The following UBE2Q2 variants were observed in gnomAD, a reference collection of about 807,000 sequenced individuals.
UBE2Q2 encodes ubiquitin conjugating enzyme E2 Q2, also known as ubiquitin-conjugating enzyme E2 Q2.
A neutral mutation model predicts 59.9 loss-of-function variants in UBE2Q2; 54 were observed. The ratio of observed to expected loss-of-function variants is 0.90; its 90% CI spans 0.72 to 1.13. The LOEUF is 1.13. Among genes scored for constraint, UBE2Q2 ranks in the 50% most tolerant of loss-of-function variants. UBE2Q2 has a pLI of 0.00. For synonymous variants in UBE2Q2, 165 were observed against 155.2 expected, an observed-to-expected ratio of 1.06 and a Z score of -0.47; for missense variants, 433 against 441.9, an observed-to-expected ratio of 0.98 and a Z score of 0.18.
intron 6 of UBE2Q2, among the ~76,000 whole-genome samples, chr15:75,877,523 C>G (rs1449311391): frequency 6.6e-6 from 1 of 150,842 alleles, no homozygotes; most frequent in Non-Finnish European, 1.5e-5. Context: ...AAAGCATATC[C>G]ATAAAATAAA....
chr15:75,894,366 G>A (rs570977083), intron 11 of UBE2Q2, among the ~76,000 whole-genome samples: 46 of 152,132 alleles, frequency 3.0e-4, no homozygotes, highest in African/African-American at 1.0e-3. Context: ...TCAGGAGTTC[G>A]AGACCACCTT....
chr15:75,848,661 A>AT lies in UBE2Q2; in HGVS notation c.180+4827dup, dbSNP rs532016787. Among the ~76,000 whole-genome samples, 1,235 of 146,868 alleles carry AT rather than the reference A, an allele frequency of 8.4e-3. 11 individuals are homozygous for AT. Among genetic ancestry groups the AT allele is most frequent in the Non-Finnish European group, 0.013 (867 of 66,356 alleles). On this transcript the variant is annotated intron_variant, in intron 1 of 12. Transcript: ENST00000267938. ...GAATAGTATATCCCTTAGTATCTTG[A>AT]TTTTTTTTTTTTAATTTGGTTAAAC... is the stretch of plus-strand genomic sequence containing the variant.
At chr15:75,860,102 C>T (rs1023331303) in intron 3 of UBE2Q2, 120 bp downstream of exon 3, 4 of 746,604 alleles carry the variant, frequency 5.4e-6, no homozygotes, top group Non-Finnish European at 8.8e-6. Context: ...ATTTTTGTTC[C>T]TATTGAATTG....
chr15:75,887,670 TGTAAA>T (rs1898862579), intron 9 of UBE2Q2, among the ~76,000 whole-genome samples: 1 of 152,030 alleles, frequency 6.6e-6, no homozygotes, highest in South Asian at 2.1e-4. Context: ...AAGAAACTAT[TGTAAA>T]GTAAATCTGG....
At chr15:75,886,559 G>A (rs181605447) in intron 9 of UBE2Q2, among the ~76,000 whole-genome samples, 2 of 152,262 alleles carry the variant, frequency 1.3e-5, no homozygotes, top group Non-Finnish European at 1.5e-5. Flanking sequence ...GAAAAGATTT[G>A]GAAGAAATTT....
intron 2 of UBE2Q2, among the ~76,000 whole-genome samples, chr15:75,856,904 G>A (rs78061826): frequency 2.0e-5 from 3 of 151,216 alleles, no homozygotes; most frequent in Non-Finnish European, 4.4e-5. Flanking sequence ...TTGTGCCACC[G>A]TACTCTAGCC....
chr15:75,896,588 T>A (rs1241623130), intron 11 of UBE2Q2, among the ~76,000 whole-genome samples: 1 of 152,244 alleles, frequency 6.6e-6, no homozygotes, highest in Non-Finnish European at 1.5e-5. Flanking sequence ...GCTTAATATT[T>A]TCTTATCTGA....
At position 75,876,357 on chromosome 15, in the gene UBE2Q2, A is replaced by G. The variant is rs1375843907; in HGVS notation, c.673+86A>G. On this transcript the variant is annotated intron_variant, in intron 6 of 12. Coordinates refer to ENST00000267938, the MANE Select transcript of UBE2Q2 (RefSeq NM_173469.4). ...TATAAATGTCATTTCTTAAAACTGG[A>G]CAGAAATGGAAATGTTTACTAGCTT... 8.5e-5 allele frequency: 101 copies of G among 1,193,788 alleles called. No individual in the cohort carries two copies. The East Asian group carries it at 2.5e-3, about 30-fold the overall frequency. The allele number at this position is 1,193,788 out of a possible 1,614,324, so 73.9% of individuals were successfully genotyped here.
At chr15:75,865,030 G>C (rs917206362) in intron 3 of UBE2Q2, among the ~76,000 whole-genome samples, 8 of 152,194 alleles carry the variant, frequency 5.3e-5, no homozygotes, top group Non-Finnish European at 1.0e-4. Flanking sequence ...GAGATGACAT[G>C]TATTAAAAAT....
intron 6 of UBE2Q2, among the ~76,000 whole-genome samples, chr15:75,877,204 C>G (rs1272232535): frequency 1.5e-5 from 2 of 136,644 alleles, no homozygotes; most frequent in Non-Finnish European, 3.1e-5. Context: ...CGATTCAATT[C>G]TAGCATTATG....
rs961381166 is a variant in UBE2Q2 at position 75,858,141 on chromosome 15, C to G, written c.283-1737C>G. 3.3e-5 allele frequency among the ~76,000 whole-genome samples: 5 copies of G among 152,302 alleles called. No individual in the cohort carries two copies. In the East Asian group the frequency reaches 5.8e-4, roughly 18 times the overall value. On this transcript the variant is annotated intron_variant, in intron 2 of 12. Transcript: ENST00000267938. ...TTGGCCTACTTCTTCTCTTCTCATTCTGTGCTTTCTCTGAGTAATATTTTA... is the reference window on the plus strand; with the variant it reads ...TTGGCCTACTTCTTCTCTTCTCATTGTGTGCTTTCTCTGAGTAATATTTTA...
intron 7 of UBE2Q2, among the ~76,000 whole-genome samples, chr15:75,878,627 A>G (rs1049936234): frequency 3.3e-5 from 4 of 120,028 alleles, no homozygotes; most frequent in Admixed American, 2.6e-4. Context: ...AAAAAAAAAA[A>G]GTTGGGGGGA....
In UBE2Q2 at chr15:75,895,185, CA is replaced by C. The variant is rs1233230032; in HGVS notation, c.1030-1799del. The C allele has an allele frequency of 4.9e-3, 708 of 144,916 alleles. 14 individuals are homozygous for C. Among genetic ancestry groups the C allele is most frequent in the African/African-American group, 0.015 (611 of 39,734 alleles). 9.0% of individuals were successfully genotyped at this position (144,916 alleles called of 1,614,324 possible). The stretch of plus-strand genomic sequence containing the variant: ...TGGGTGACAGAGCGAGACTCCGTCT[CA>C]AAAAAAAAAATTTTGAGATGGAGTT... On this transcript the variant is annotated intron_variant, in intron 11 of 12. Transcript: ENST00000267938.
chr15:75,878,032 T>G lies in UBE2Q2; in HGVS notation c.734+11T>G. 6 of 1,613,016 alleles carry G rather than the reference T, an allele frequency of 3.7e-6. No homozygotes were observed. The highest frequency in any genetic ancestry group is 4.2e-6 in the Non-Finnish European group (5 of 1,179,284). ...TGTTAAACTGCAGAAGTAAGTGGCT[T>G]TTTAATGCTCACCCACTCTTTGCAA... On this transcript the variant is annotated intron_variant, in intron 7 of 12. Coordinates refer to ENST00000267938, the MANE Select transcript of UBE2Q2 (RefSeq NM_173469.4).
At chr15:75,897,285 C>T (rs1029716190) in intron 12 of UBE2Q2, among the ~76,000 whole-genome samples, 1 of 152,066 alleles carries the variant, frequency 6.6e-6, no homozygotes, top group African/African-American at 2.4e-5. Context: ...GTCACCCCAG[C>T]TGGAGTGCAG....
intron 8 of UBE2Q2, 143 bp downstream of exon 8, chr15:75,879,331 G>T: frequency 2.0e-6 from 1 of 512,456 alleles, no homozygotes; most frequent in Non-Finnish European, 3.5e-6. Context: ...CCGTTAAGAC[G>T]TGAGTACTTA....
intron 6 of UBE2Q2, among the ~76,000 whole-genome samples, chr15:75,877,356 T>C (rs1356781412): frequency 6.6e-6 from 1 of 152,060 alleles, no homozygotes; most frequent in Non-Finnish European, 1.5e-5. Context: ...GTGGGTGTCC[T>C]TACGGTTTTT....
intron 7 of UBE2Q2, 95 bp downstream of exon 7, chr15:75,878,116 C>A: frequency 9.8e-7 from 1 of 1,020,310 alleles, no homozygotes. Flanking sequence ...TATACTATGG[C>A]TTTTACTTAG....
intron 12 of UBE2Q2, among the ~76,000 whole-genome samples, chr15:75,898,438 C>T (rs1899558745): frequency 6.6e-6 from 1 of 151,964 alleles, no homozygotes; most frequent in South Asian, 2.1e-4. Flanking sequence ...TTGAAGTATA[C>T]ATAACTGTGG....
Sources: allele counts gnomAD v4.1 joint callset (sites outside exome capture counted in the v4.1 genomes callset), GRCh38; gene constraint gnomAD v4.1.1; transcripts MANE v1.5; gene names NCBI Gene and HGNC (gene_info 2026-07-23, HGNC 2026-07-21).